Variants in CKAP5 observed in about 807,000 individuals in gnomAD.
The protein encoded by CKAP5 is cytoskeleton associated protein 5, also known as cytoskeleton-associated protein 5.
CKAP5 carries 27 observed loss-of-function variants against 232.8 expected under a neutral mutation model. The observed-to-expected ratio is 0.12, with a 90% CI of 0.09 to 0.16. The LOEUF (loss-of-function observed/expected upper bound fraction) is 0.16. Among genes scored for constraint, CKAP5 ranks in the 10% least tolerant of loss-of-function variants. CKAP5 has a pLI of 1.00. For synonymous variants in CKAP5, 785 were observed against 841.1 expected, an observed-to-expected ratio of 0.93 and a Z score of 1.16; for missense variants, 1,838 against 2,424.7, an observed-to-expected ratio of 0.76 and a Z score of 5.08.
intron 28 of CKAP5, among the ~76,000 whole-genome samples, chr11:46,764,465 AT>A (rs1282024307): frequency 9.9e-5 from 15 of 152,212 alleles, no homozygotes. Context: ...ACAGATACGA[AT>A]GATCTTTCAG....
In CKAP5 at chr11:46,744,550, C is replaced by T. The variant is rs769845586; in HGVS notation, c.5732G>A (p.Cys1911Tyr). ...TGISPQMEVT[C>Y]VPTPTSTVSS... Reference sequence around the variant, plus strand: ...CACTGTGCTTGTGGGCGTGGGCACACATGTGACTTCCATCTGAGGGGAGAT... The same window carrying T: ...CACTGTGCTTGTGGGCGTGGGCACATATGTGACTTCCATCTGAGGGGAGAT... The change falls in exon 43 of 44, where the codon TGT (cysteine) becomes TAT (tyrosine). Residue 1911 changes from cysteine (C) to tyrosine (Y), a missense_variant. Around this residue, in one of 6 missense-constraint regions of CKAP5, gnomAD observed 579 missense variants for 843.2 expected, o/e 0.69. Coordinates refer to ENST00000529230, the MANE Select transcript of CKAP5 (RefSeq NM_001008938.4). 1.2e-6 allele frequency: 2 copies of T among 1,614,108 alleles called. No homozygotes were observed. Among genetic ancestry groups the T allele is most frequent in the East Asian group, 4.5e-5 (2 of 44,874 alleles).
Position 46,743,972 on chromosome 11 carries a change from CTTCTAG to C in CKAP5, c.*45_*50del. 6.2e-7 allele frequency: 1 copy of C among 1,610,416 alleles called. No homozygotes were observed. The highest frequency in any genetic ancestry group is 8.5e-7 in the Non-Finnish European group (1 of 1,179,136). On this transcript the variant is annotated 3_prime_UTR_variant, in exon 44 of 44. Transcript: ENST00000529230. ...CTGAGGCCATTTTAAACTATGAGGACTTCTAGTTTAGTAAACTAAAGCTGCAGGGTG... is the reference window on the plus strand; with the variant it reads ...CTGAGGCCATTTTAAACTATGAGGACTTTAGTAAACTAAAGCTGCAGGGTG...
At chr11:46,767,239 C>T (rs1261062878) in intron 27 of CKAP5, among the ~76,000 whole-genome samples, 10 of 152,222 alleles carry the variant, frequency 6.6e-5, no homozygotes, top group African/African-American at 1.4e-4. Context: ...AGGCTGGTCT[C>T]GAACTCCTGA....
chr11:46,811,716 A>C (rs1283110567), intron 4 of CKAP5, among the ~76,000 whole-genome samples: 1 of 152,114 alleles, frequency 6.6e-6, no homozygotes, highest in Non-Finnish European at 1.5e-5. Flanking sequence ...ACTTCAGGTG[A>C]TCCACCCGCC....
intron 1 of CKAP5, among the ~76,000 whole-genome samples, chr11:46,837,503 C>T (rs568390933): frequency 6.6e-6 from 1 of 152,284 alleles, no homozygotes; most frequent in East Asian, 1.9e-4. Context: ...ACCCCAGTAG[C>T]AAAGAGAACA....
intron 16 of CKAP5, among the ~76,000 whole-genome samples, chr11:46,788,075 T>C (rs2065413488): frequency 6.6e-6 from 1 of 152,254 alleles, no homozygotes; most frequent in African/African-American, 2.4e-5. Context: ...ATACAATACA[T>C]GTACCATTCA....
chr11:46,769,798 T>C (rs780534235), intron 26 of CKAP5, among the ~76,000 whole-genome samples, 165 bp downstream of exon 26: 3 of 152,170 alleles, frequency 2.0e-5, no homozygotes, highest in African/African-American at 4.8e-5. Context: ...AAATAGGTAC[T>C]TGACTACTTG....
chr11:46,791,127 T>C (rs1453164299), intron 13 of CKAP5, among the ~76,000 whole-genome samples: 4 of 152,188 alleles, frequency 2.6e-5, no homozygotes, highest in African/African-American at 9.7e-5. Flanking sequence ...TATTAAAAAC[T>C]TGAATTTAGA....
chr11:46,752,187 T>TACAC (rs1235472492), intron 38 of CKAP5, among the ~76,000 whole-genome samples: 86 of 67,836 alleles, frequency 1.3e-3, no homozygotes, highest in African/African-American at 3.5e-3. Flanking sequence ...TATATATATA[T>TACAC]ATATATACAC....
At chr11:46,791,552 T>C (rs1938722941) in intron 13 of CKAP5, among the ~76,000 whole-genome samples, 1 of 152,064 alleles carries the variant, frequency 6.6e-6, no homozygotes, top group South Asian at 2.1e-4. Flanking sequence ...TGTATGCCTA[T>C]AGTCTCAGCT....
At chr11:46,828,636 A>C (rs1939707493) in intron 1 of CKAP5, among the ~76,000 whole-genome samples, 1 of 151,942 alleles carries the variant, frequency 6.6e-6, no homozygotes, top group Non-Finnish European at 1.5e-5. Flanking sequence ...TAACTGCAAT[A>C]AACATAGTAC....
chr11:46,746,168 A>G (rs1310355320), intron 42 of CKAP5, among the ~76,000 whole-genome samples: 2 of 152,182 alleles, frequency 1.3e-5, no homozygotes, highest in Admixed American at 6.5e-5. Context: ...GAGTAGGTGA[A>G]TGTCACTAAA....
intron 23 of CKAP5, 152 bp from the exon 24 acceptor site, chr11:46,776,535 T>G: frequency 1.9e-6 from 1 of 528,142 alleles, no homozygotes; most frequent in Non-Finnish European, 3.1e-6. Context: ...AGAAACTAGT[T>G]CTATGATTGT....
chr11:46,820,027 G>T (rs887864613), intron 2 of CKAP5, among the ~76,000 whole-genome samples: 1 of 151,840 alleles, frequency 6.6e-6, no homozygotes, highest in Non-Finnish European at 1.5e-5. Context: ...CAAATCACAC[G>T]AGATTGAAAA....
chr11:46,761,830 A>C lies in CKAP5; in HGVS notation c.4221+170T>G, dbSNP rs1038037947. Among the ~76,000 whole-genome samples, 5 of 152,220 alleles carry C rather than the reference A, an allele frequency of 3.3e-5. No individual in the cohort carries two copies. The South Asian group carries it at 1.0e-3, about 32-fold the overall frequency. On this transcript the variant is annotated intron_variant, in intron 32 of 43. Coordinates refer to ENST00000529230, the MANE Select transcript of CKAP5 (RefSeq NM_001008938.4). ...AACTTGATTTCCATTAAAACAGCCT[A>C]ATCAGAGACACCTCAAGGGTCTATC...
chr11:46,767,677 AAT>A lies in CKAP5; in HGVS notation c.3323-16_3323-15del. 1.2e-5 allele frequency: 18 copies of A among 1,524,214 alleles called. No homozygotes were observed. The highest frequency in any genetic ancestry group is 2.3e-5 in the South Asian group (2 of 87,716). 94.4% of individuals were successfully genotyped at this position (1,524,214 alleles called of 1,614,324 possible). The stretch of plus-strand genomic sequence containing the variant: ...CTTCAGCAGGTGCTTTGAGGAAAAA[AAT>A]ATATATATACTATAAACTTTAACTA... On this transcript the variant is annotated splice_polypyrimidine_tract_variant and intron_variant, in intron 26 of 43. Coordinates refer to ENST00000529230, the MANE Select transcript of CKAP5 (RefSeq NM_001008938.4).
At chr11:46,750,707 G>C in intron 40 of CKAP5, 96 bp from the exon 41 acceptor site, 1 of 936,210 alleles carries the variant, frequency 1.1e-6, no homozygotes. Flanking sequence ...TCAAAATCTG[G>C]GCCTTATTGG....
intron 23 of CKAP5, 59 bp downstream of exon 23, chr11:46,777,380 C>A: frequency 9.5e-7 from 1 of 1,052,008 alleles, no homozygotes; most frequent in Non-Finnish European, 1.5e-6. Flanking sequence ...TTATCTTTAA[C>A]CCAAAAATAT....
rs1938924977 is a variant in CKAP5 at position 46,798,170 on chromosome 11, A to G, written c.1086T>C (p.Val362=). The part of the protein sequence containing the change: ...RKKFGQYAGH[V]VPTILEKFKE... Reference sequence around the variant, plus strand: ...TGAATTTCTCCAAGATGGTTGGCACAACCTGTAAAAGTGAATGGCTAGCAC... The same window carrying G: ...TGAATTTCTCCAAGATGGTTGGCACGACCTGTAAAAGTGAATGGCTAGCAC... Residue 362 remains valine, a splice_region_variant and synonymous_variant, in exon 10 of 44, where the codon GTT becomes GTC. Transcript: ENST00000529230. The G allele has an allele frequency of 6.2e-7, 1 of 1,611,338 alleles. No individual in the cohort carries two copies. The highest frequency in any genetic ancestry group is 8.5e-7 in the Non-Finnish European group (1 of 1,177,690).
Sources: allele counts gnomAD v4.1 joint callset (sites outside exome capture counted in the v4.1 genomes callset), GRCh38; gene constraint gnomAD v4.1.1; regional missense constraint gnomAD v4.1.1; transcripts MANE v1.5; gene names NCBI Gene and HGNC (gene_info 2026-07-23, HGNC 2026-07-21).